Variants in TAF4 observed in about 807,000 individuals in gnomAD.
The protein encoded by TAF4 is transcription initiation factor TFIID subunit 4.
TAF4 carries 9 observed loss-of-function variants against 90.3 expected under a neutral mutation model. That is an observed-to-expected ratio of 0.10 (90% CI 0.06 to 0.17). The LOEUF is 0.17. TAF4 is among the 10% of genes least tolerant of loss of function. The pLI is 1.00. For missense variants in TAF4, 1,351 were observed against 1,370.7 expected (o/e 0.99, Z 0.23); for synonymous variants, 818 against 638.9 (o/e 1.28, Z -4.23).
At chr20:62,000,480 G>A (rs2055692622) in intron 10 of TAF4, 72 bp downstream of exon 10, 1 of 1,521,966 alleles carries the variant, frequency 6.6e-7, no homozygotes, top group Admixed American at 1.9e-5. Flanking sequence ...TGTCAGGTGT[G>A]CTCACCTGAA....
intron 1 of TAF4, among the ~76,000 whole-genome samples, chr20:62,049,478 G>C (rs577743560): frequency 1.3e-5 from 2 of 152,246 alleles, no homozygotes; most frequent in South Asian, 2.1e-4. Flanking sequence ...CTAGAACCCA[G>C]GCCAGACCTT....
intron 1 of TAF4, chr20:62,064,240 G>T (rs1008691419): frequency 8.6e-6 from 4 of 465,982 alleles, no homozygotes; most frequent in Non-Finnish European, 1.4e-5. Flanking sequence ...GACAGCGACA[G>T]GGACGCAGGC....
At chr20:62,056,754 G>C (rs1415990187) in intron 1 of TAF4, among the ~76,000 whole-genome samples, 2 of 152,110 alleles carry the variant, frequency 1.3e-5, no homozygotes, top group Non-Finnish European at 2.9e-5. Context: ...GACGTTACAA[G>C]TGACTGTATT....
At chr20:61,993,555 T>C (rs1343768125) in intron 14 of TAF4, among the ~76,000 whole-genome samples, 1 of 152,184 alleles carries the variant, frequency 6.6e-6, no homozygotes, top group Non-Finnish European at 1.5e-5. Flanking sequence ...TCAAGTTTAA[T>C]GGGAAAGGAC....
chr20:61,977,726 A>G (rs916195306), intron 14 of TAF4, among the ~76,000 whole-genome samples: 4 of 152,160 alleles, frequency 2.6e-5, no homozygotes, highest in Non-Finnish European at 5.9e-5. Context: ...CGCACTCCAC[A>G]CTAGCTCATT....
chr20:61,976,062 T>A lies in TAF4; in HGVS notation c.*106A>T. 1 of 1,214,814 alleles carries A rather than the reference T, an allele frequency of 8.2e-7. No homozygotes were observed. The highest frequency in any genetic ancestry group is 1.2e-6 in the Non-Finnish European group (1 of 846,950). 75.3% of individuals were successfully genotyped at this position (1,214,814 alleles called of 1,614,324 possible). On this transcript the variant is annotated 3_prime_UTR_variant, in exon 15 of 15. Transcript: ENST00000252996. Reference sequence around the variant, plus strand: ...TGATTTAGAAACAGGAATATAAAACTGTTCCATTGTAAAGAGGTGGCTGTT... The same window carrying A: ...TGATTTAGAAACAGGAATATAAAACAGTTCCATTGTAAAGAGGTGGCTGTT...
chr20:62,003,800 G>A lies in TAF4; in HGVS notation c.2302C>T (p.Leu768=), dbSNP rs774441451. 135 of 1,608,788 alleles carry A rather than the reference G, an allele frequency of 8.4e-5. No individual in the cohort carries two copies. Among genetic ancestry groups the A allele is most frequent in the Non-Finnish European group, 1.1e-4 (130 of 1,179,322 alleles). ...VTLTQTPMVA[L]RQPHNRIMLT... ...ATGATCCGGTTGTGAGGCTGCCGCAGGGCGACCATGGGTGTCTGCGTCAAC... is the reference window on the plus strand; with the variant it reads ...ATGATCCGGTTGTGAGGCTGCCGCAAGGCGACCATGGGTGTCTGCGTCAAC... Residue 768 remains leucine (L), a synonymous_variant, in exon 8 of 15, where the codon CTG becomes TTG. Transcript: ENST00000252996.
intron 1 of TAF4, among the ~76,000 whole-genome samples, chr20:62,032,983 G>C (rs544417438): frequency 1.3e-5 from 2 of 152,144 alleles, no homozygotes; most frequent in East Asian, 3.8e-4. Flanking sequence ...CTGGCTTCTC[G>C]AAGGAAGCAG....
intron 1 of TAF4, among the ~76,000 whole-genome samples, chr20:62,032,805 A>G (rs2145494638): frequency 6.6e-6 from 1 of 152,330 alleles, no homozygotes; most frequent in South Asian, 2.1e-4. Context: ...GTGGCCAACC[A>G]GCACACACTG....
chr20:62,055,723 T>A (rs1394085821), intron 1 of TAF4, among the ~76,000 whole-genome samples: 2 of 152,148 alleles, frequency 1.3e-5, no homozygotes, highest in Non-Finnish European at 2.9e-5. Flanking sequence ...TCCCTCAGCC[T>A]CCTGGGAAAG....
At position 62,012,730 on chromosome 20, in the gene TAF4, A is replaced by C. The variant is rs2055786478; in HGVS notation, c.1641+85T>G. 4 of 1,354,106 alleles carry C rather than the reference A, an allele frequency of 3.0e-6. No individual in the cohort carries two copies. In the South Asian group the frequency reaches 6.4e-5, roughly 22 times the overall value. 83.9% of individuals were successfully genotyped at this position (1,354,106 alleles called of 1,614,324 possible). A position where few individuals can be genotyped will look rare whatever the true frequency, so the allele number is the denominator to read the frequency against. On this transcript the variant is annotated intron_variant, in intron 3 of 14. Transcript: ENST00000252996. ...AGTATCCAGTTTAAAAAAAAAAAAA[A>C]ACTCCTAAGGCCTGATCTCTGCATC... is the stretch of plus-strand genomic sequence containing the variant.
intron 14 of TAF4, among the ~76,000 whole-genome samples, chr20:61,996,077 T>C (rs1233998942): frequency 6.6e-6 from 1 of 150,820 alleles, no homozygotes; most frequent in Non-Finnish European, 1.5e-5. Flanking sequence ...CAGACAAACC[T>C]CTAAAAAATA....
chr20:62,065,282 C>CG lies in TAF4; in HGVS notation c.528dup (p.Gly177ArgfsTer285), dbSNP rs1280227093. 62 of 911,664 alleles carry CG rather than the reference C, an allele frequency of 6.8e-5. No homozygotes were observed. In the Admixed American group the frequency reaches 3.9e-3, roughly 58 times the overall value. 56.5% of individuals were successfully genotyped at this position (911,664 alleles called of 1,614,324 possible). On this transcript the variant is annotated frameshift_variant, in exon 1 of 15. Transcript: ENST00000252996. LOFTEE classifies it high-confidence loss of function. The stretch of plus-strand genomic sequence containing the variant: ...CCAGGGCCGGGGCCGGGGCCGGGGC[C>CG]GGGCCCGGGGCCGGGGCCGGCGCGG...
intron 1 of TAF4, among the ~76,000 whole-genome samples, chr20:62,019,227 G>A (rs1200052078): frequency 6.6e-6 from 1 of 152,206 alleles, no homozygotes; most frequent in Non-Finnish European, 1.5e-5. Context: ...CCCCTCTCCT[G>A]GCTGGCACAG....
intron 1 of TAF4, among the ~76,000 whole-genome samples, chr20:62,063,393 C>G (rs990908538): frequency 1.3e-5 from 2 of 152,108 alleles, no homozygotes; most frequent in East Asian, 1.9e-4. Context: ...CTGCACGGCA[C>G]GCGTCACCAC....
chr20:62,013,019 T>C (rs2055788782), intron 2 of TAF4, 85 bp from the exon 3 acceptor site: 8 of 1,559,524 alleles, frequency 5.1e-6, no homozygotes, highest in Non-Finnish European at 6.9e-6. Flanking sequence ...TCCTTCCATA[T>C]GTAACTAGTA....
At chr20:61,988,822 C>T (rs1158638931) in intron 14 of TAF4, among the ~76,000 whole-genome samples, 1 of 152,176 alleles carries the variant, frequency 6.6e-6, no homozygotes, top group African/African-American at 2.4e-5. Flanking sequence ...CACGTACCTC[C>T]CAGCCCCACA....
chr20:62,014,524 C>A, intron 2 of TAF4, 23 bp downstream of exon 2: 1 of 1,584,804 alleles, frequency 6.3e-7, no homozygotes, highest in South Asian at 1.1e-5. Context: ...GGGGTTCGCA[C>A]TCCAGGGCAC....
chr20:62,021,955 G>C (rs116079789), intron 1 of TAF4, among the ~76,000 whole-genome samples: 6 of 152,132 alleles, frequency 3.9e-5, no homozygotes, highest in Non-Finnish European at 7.4e-5. Flanking sequence ...TCCAAAGCCC[G>C]GGAGGGCGCT....
Sources: gnomAD v4.1 joint callset for allele counts (sites outside exome capture counted in the v4.1 genomes callset) on GRCh38, gnomAD v4.1.1 for gene constraint, MANE v1.5 for transcripts, NCBI Gene and HGNC (gene_info 2026-07-23, HGNC 2026-07-21) for gene names.